Variants in LAMA2 observed in about 807,000 individuals in gnomAD.
LAMA2 encodes the protein laminin subunit alpha 2.
LAMA2 carries 269 observed loss-of-function variants against 364.8 expected under a neutral mutation model. The observed-to-expected ratio is 0.74, with a 90% CI of 0.67 to 0.82. LAMA2 has a LOEUF of 0.82. Among genes scored for constraint, LAMA2 ranks in the 40% least tolerant of loss-of-function variants. The pLI, the probability that LAMA2 is intolerant of heterozygous loss-of-function variation, is 0.00. For synonymous variants in LAMA2, 1,379 were observed against 1,370.6 expected, an observed-to-expected ratio of 1.01 and a Z score of -0.14; for missense variants, 3,807 against 3,873.2, an observed-to-expected ratio of 0.98 and a Z score of 0.45.
intron 39 of LAMA2, 119 bp downstream of exon 39, chr6:129,402,606 A>AG: frequency 9.9e-7 from 1 of 1,011,784 alleles, no homozygotes; most frequent in African/African-American, 1.6e-5. Context: ...TGAACACACT[A>AG]GCTATATGGC....
intron 29 of LAMA2, among the ~76,000 whole-genome samples, chr6:129,338,131 C>G (rs1371792142): frequency 6.6e-6 from 1 of 152,116 alleles, no homozygotes; most frequent in African/African-American, 2.4e-5. Context: ...ATAAGAGAAA[C>G]AAAATCATAT....
intron 45 of LAMA2, among the ~76,000 whole-genome samples, chr6:129,452,267 T>C (rs747471585): frequency 2.0e-5 from 3 of 152,194 alleles, no homozygotes; most frequent in Non-Finnish European, 4.4e-5. Flanking sequence ...GTATGAACAG[T>C]ATTACTCTAT....
chr6:129,216,961 C>T (rs537932913), intron 12 of LAMA2, among the ~76,000 whole-genome samples: 319 of 152,116 alleles, frequency 2.1e-3, no homozygotes, highest in Non-Finnish European at 3.2e-3. Context: ...GAGGCTGAGG[C>T]GGGTGGATCA....
chr6:129,409,771 G>A (rs1223184761), intron 40 of LAMA2, among the ~76,000 whole-genome samples: 1 of 152,190 alleles, frequency 6.6e-6, no homozygotes, highest in Non-Finnish European at 1.5e-5. Flanking sequence ...GATCTGCTAG[G>A]TCATACGGCC....
At chr6:129,309,694 A>G (rs1774088678) in intron 22 of LAMA2, among the ~76,000 whole-genome samples, 1 of 152,184 alleles carries the variant, frequency 6.6e-6, no homozygotes, top group South Asian at 2.1e-4. Context: ...GATGTTCTTT[A>G]AGTTACTTGG....
At chr6:129,105,329 C>T (rs1562242955) in intron 4 of LAMA2, among the ~76,000 whole-genome samples, 1 of 152,152 alleles carries the variant, frequency 6.6e-6, no homozygotes, top group Non-Finnish European at 1.5e-5. Flanking sequence ...CTGCAGAAAG[C>T]AGTAGCCCAG....
chr6:129,219,530 A>T (rs1242441619), intron 12 of LAMA2, among the ~76,000 whole-genome samples: 1 of 151,384 alleles, frequency 6.6e-6, no homozygotes, highest in Non-Finnish European at 1.5e-5. Flanking sequence ...ATGCACACGT[A>T]TGTTTATTGT....
At chr6:129,036,792 G>T (rs191141241) in intron 1 of LAMA2, among the ~76,000 whole-genome samples, 3 of 152,264 alleles carry the variant, frequency 2.0e-5, no homozygotes, top group Non-Finnish European at 4.4e-5. Flanking sequence ...CTTTGGTTTT[G>T]TTTGCTTCTG....
intron 12 of LAMA2, among the ~76,000 whole-genome samples, chr6:129,224,413 T>C (rs1784096632): frequency 6.6e-6 from 1 of 152,166 alleles, no homozygotes; most frequent in Non-Finnish European, 1.5e-5. Flanking sequence ...AGGGCATCCC[T>C]GTCTTGTGCC....
intron 3 of LAMA2, among the ~76,000 whole-genome samples, chr6:129,091,948 C>T (rs1001917271): frequency 6.6e-6 from 1 of 152,164 alleles, no homozygotes; most frequent in African/African-American, 2.4e-5. Flanking sequence ...CTGAGATTGC[C>T]TACACATTTT....
intron 14 of LAMA2, among the ~76,000 whole-genome samples, chr6:129,257,329 T>C (rs976443355): frequency 3.3e-5 from 5 of 152,130 alleles, no homozygotes; most frequent in Non-Finnish European, 5.9e-5. Flanking sequence ...TGAGTACTAA[T>C]GTGGAATATT....
At chr6:129,292,205 G>C (rs1452306791) in intron 20 of LAMA2, among the ~76,000 whole-genome samples, 1 of 152,162 alleles carries the variant, frequency 6.6e-6, no homozygotes, top group Non-Finnish European at 1.5e-5. Flanking sequence ...AATCAGCCAG[G>C]CACGGTGGCA....
At chr6:129,181,847 A>G (rs775560168) in intron 10 of LAMA2, among the ~76,000 whole-genome samples, 7 of 151,898 alleles carry the variant, frequency 4.6e-5, no homozygotes, top group Non-Finnish European at 1.0e-4. Context: ...CAGTTTGAGG[A>G]TGATAAAAAA....
chr6:129,305,784 T>G (rs1773829448), intron 22 of LAMA2, among the ~76,000 whole-genome samples: 1 of 152,180 alleles, frequency 6.6e-6, no homozygotes, highest in South Asian at 2.1e-4. Flanking sequence ...AGCCTGCACT[T>G]TGCTATTTGC....
chr6:129,314,467 A>G (rs1360046794), intron 23 of LAMA2, among the ~76,000 whole-genome samples, 188 bp from the exon 24 acceptor site: 1 of 151,518 alleles, frequency 6.6e-6, no homozygotes, highest in Non-Finnish European at 1.5e-5. Flanking sequence ...AGCATTTTTA[A>G]AAGATCCATG....
intron 3 of LAMA2, among the ~76,000 whole-genome samples, chr6:129,095,158 A>G (rs1775093699): frequency 6.6e-6 from 1 of 152,206 alleles, no homozygotes; most frequent in Non-Finnish European, 1.5e-5. Context: ...TTTGTGGCTT[A>G]ATGTTTACCC....
chr6:129,244,708 A>G (rs1318485842), intron 12 of LAMA2, among the ~76,000 whole-genome samples: 1 of 151,822 alleles, frequency 6.6e-6, no homozygotes, highest in Non-Finnish European at 1.5e-5. Context: ...CTCAATTCAT[A>G]TTTCTTGAGA....
chr6:128,925,306 A>G (rs547158356), intron 1 of LAMA2, among the ~76,000 whole-genome samples: 2 of 152,332 alleles, frequency 1.3e-5, no homozygotes, highest in South Asian at 2.1e-4. Context: ...TTGTGCATGT[A>G]TACGATGGAA....
intron 40 of LAMA2, among the ~76,000 whole-genome samples, chr6:129,407,943 A>C (rs4397251): frequency 0.69 from 104,333 of 152,116 alleles, 36,680 homozygotes; most frequent in African/African-American, 0.85. Context: ...GCCAACACTG[A>C]AACCCCCTTC....
Sources: gnomAD v4.1 joint callset for allele counts (sites outside exome capture counted in the v4.1 genomes callset) on GRCh38, gnomAD v4.1.1 for gene constraint, MANE v1.5 for transcripts, NCBI Gene and HGNC (gene_info 2026-07-23, HGNC 2026-07-21) for gene names.